ZFAND3: variants seen among roughly 807,000 people sequenced by gnomAD.
ZFAND3 encodes AN1-type zinc finger protein 3.
A neutral mutation model predicts 29.6 loss-of-function variants in ZFAND3; 10 were observed. That is an observed-to-expected ratio of 0.34 (90% CI 0.21 to 0.57). ZFAND3 has a LOEUF of 0.57. Among genes scored for constraint, ZFAND3 ranks in the 20% least tolerant of loss-of-function variants. The pLI, the probability that ZFAND3 is intolerant of heterozygous loss-of-function variation, is 0.86. For synonymous variants in ZFAND3, 128 were observed against 112.6 expected, an observed-to-expected ratio of 1.14 and a Z score of -0.87; for missense variants, 230 against 304.5, an observed-to-expected ratio of 0.76 and a Z score of 1.82.
intron 1 of ZFAND3, among the ~76,000 whole-genome samples, chr6:37,900,725 A>T (rs1253343815): frequency 6.6e-6 from 1 of 152,170 alleles, no homozygotes; most frequent in Non-Finnish European, 1.5e-5. Context: ...TATATCAGTA[A>T]AGAGTTCGTC....
At chr6:37,962,528 T>C (rs182795336) in intron 2 of ZFAND3, among the ~76,000 whole-genome samples, 232 of 152,314 alleles carry the variant, frequency 1.5e-3, no homozygotes, top group Non-Finnish European at 2.7e-3. Context: ...TGGTGGGGAC[T>C]TGGAGAACTT....
intron 5 of ZFAND3, among the ~76,000 whole-genome samples, chr6:38,134,130 A>G (rs1416941771): frequency 6.6e-6 from 1 of 152,168 alleles, no homozygotes; most frequent in Admixed American, 6.5e-5. Flanking sequence ...CCACATCTAG[A>G]TAAGATGCTT....
intron 2 of ZFAND3, among the ~76,000 whole-genome samples, chr6:37,950,138 A>T (rs114781526): frequency 5.3e-5 from 8 of 152,178 alleles, no homozygotes; most frequent in African/African-American, 1.9e-4. Flanking sequence ...GACGTGCAGA[A>T]GCTCTATACT....
At chr6:37,894,463 G>A (rs1366531646) in intron 1 of ZFAND3, among the ~76,000 whole-genome samples, 1 of 151,612 alleles carries the variant, frequency 6.6e-6, no homozygotes, top group East Asian at 1.9e-4. Context: ...TGGAACTCCT[G>A]GTCTCCAGTG....
chr6:38,114,167 A>AT (rs1383410173), intron 4 of ZFAND3, among the ~76,000 whole-genome samples: 3 of 152,262 alleles, frequency 2.0e-5, no homozygotes, highest in South Asian at 2.1e-4. Flanking sequence ...AGAAAAAAAC[A>AT]TTTTTTGTTA....
intron 1 of ZFAND3, among the ~76,000 whole-genome samples, chr6:37,925,821 CTAA>C (rs1405663349): frequency 2.0e-5 from 3 of 151,956 alleles, no homozygotes; most frequent in African/African-American, 7.3e-5. Context: ...ACTGAGAATT[CTAA>C]TTTGAAATAC....
intron 2 of ZFAND3, among the ~76,000 whole-genome samples, chr6:37,994,736 G>T (rs1333449076): frequency 2.0e-5 from 3 of 152,092 alleles, no homozygotes; most frequent in Non-Finnish European, 2.9e-5. Flanking sequence ...GTTTTATTTT[G>T]TGGCTCACTA....
intron 2 of ZFAND3, among the ~76,000 whole-genome samples, chr6:38,060,208 G>A (rs1040209711): frequency 2.0e-5 from 3 of 152,110 alleles, no homozygotes; most frequent in African/African-American, 7.2e-5. Context: ...TCTGAAACCA[G>A]TCCCCTGTGT....
At chr6:37,921,333 T>C (rs139559484) in intron 1 of ZFAND3, among the ~76,000 whole-genome samples, 1,667 of 152,200 alleles carry the variant, frequency 0.011, 9 homozygotes, top group Non-Finnish European at 0.017. Flanking sequence ...TCAGGGACCA[T>C]AGGACTGGAA....
chr6:38,032,407 A>G (rs1194961871), intron 2 of ZFAND3, among the ~76,000 whole-genome samples: 1 of 152,212 alleles, frequency 6.6e-6, no homozygotes, highest in African/African-American at 2.4e-5. Context: ...CAAGTCTTTG[A>G]GACAGTTAAG....
intron 1 of ZFAND3, among the ~76,000 whole-genome samples, chr6:37,849,895 CCTTTCCTT>C (rs1764251839): frequency 6.6e-6 from 1 of 152,176 alleles, no homozygotes; most frequent in African/African-American, 2.4e-5. Context: ...CATCTCCCAT[CCTTTCCTT>C]TAGTTTCACC....
chr6:37,821,644 A>T (rs891406779), intron 1 of ZFAND3, among the ~76,000 whole-genome samples: 3 of 152,158 alleles, frequency 2.0e-5, no homozygotes, highest in Non-Finnish European at 4.4e-5. Context: ...CAAGCCTCAG[A>T]TTGTAACTCA....
At chr6:38,062,457 A>G (rs567652990) in intron 3 of ZFAND3, 3 of 151,212 alleles carry the variant, frequency 2.0e-5, no homozygotes, top group South Asian at 2.1e-4. Flanking sequence ...ATCTCAGCTG[A>G]CTGCAACCTC....
intron 2 of ZFAND3, among the ~76,000 whole-genome samples, chr6:38,017,411 G>C (rs1330115451): frequency 6.6e-6 from 1 of 152,180 alleles, no homozygotes; most frequent in African/African-American, 2.4e-5. Flanking sequence ...TTTGAAGCTA[G>C]TTATTAGTGT....
chr6:38,049,044 G>GC (rs1763966955), intron 2 of ZFAND3, among the ~76,000 whole-genome samples: 5 of 152,006 alleles, frequency 3.3e-5, no homozygotes, highest in Non-Finnish European at 7.4e-5. Flanking sequence ...ATGCCTTTAG[G>GC]TGAGACTTAC....
In ZFAND3 at chr6:38,061,733, C is replaced by T. The variant is rs779791229; in HGVS notation, c.253C>T (p.Leu85Phe). The T allele has an allele frequency of 5.6e-6, 9 of 1,614,172 alleles. No individual in the cohort carries two copies. The South Asian group carries it at 9.9e-5, about 18-fold the overall frequency. Residue 85 changes from leucine to phenylalanine, a missense_variant, in exon 3 of 6, where the codon CTT (leucine) becomes TTT (phenylalanine). Around this residue, in one of 2 missense-constraint regions of ZFAND3, gnomAD observed 180 missense variants for 202.5 expected, o/e 0.89. Coordinates refer to ENST00000287218, the MANE Select transcript of ZFAND3 (RefSeq NM_021943.3). ...TPTLSPSQQPLPTELNVTSPS... is the reference protein window; with the variant it reads ...TPTLSPSQQPFPTELNVTSPS... Reference sequence around the variant, plus strand: ...AACTCTTAGTCCCAGCCAGCAGCCGCTTCCGACAGAACTGAATGTAACTTC... The same window carrying T: ...AACTCTTAGTCCCAGCCAGCAGCCGTTTCCGACAGAACTGAATGTAACTTC...
In ZFAND3 at chr6:38,075,791, G is replaced by A. The variant is rs989819094; in HGVS notation, c.296-6601G>A. ...GTTTGAGACAGAGCCTCGCTCTGTC[G>A]CCCAGCCTGGAGTGCAGTGGCGCAA... On this transcript the variant is annotated intron_variant, in intron 3 of 5. Transcript: ENST00000287218. Among the ~76,000 whole-genome samples the A allele has an allele frequency of 1.2e-4, 18 of 151,940 alleles. No individual in the cohort carries two copies. The South Asian group carries it at 1.2e-3, about 11-fold the overall frequency.
At chr6:38,084,092 C>G (rs1378587285) in intron 4 of ZFAND3, among the ~76,000 whole-genome samples, 1 of 152,112 alleles carries the variant, frequency 6.6e-6, no homozygotes, top group East Asian at 1.9e-4. Context: ...GACTTGGACA[C>G]GGATCTTTAA....
chr6:38,077,434 A>C (rs113620135), intron 3 of ZFAND3, among the ~76,000 whole-genome samples: 1 of 150,674 alleles, frequency 6.6e-6, no homozygotes, highest in African/African-American at 2.4e-5. Flanking sequence ...CTTTTATGTA[A>C]ATGTCATGTT....
Sources: allele counts gnomAD v4.1 joint callset (sites outside exome capture counted in the v4.1 genomes callset), GRCh38; gene constraint gnomAD v4.1.1; regional missense constraint gnomAD v4.1.1; transcripts MANE v1.5; gene names NCBI Gene and HGNC (gene_info 2026-07-23, HGNC 2026-07-21).